BOLL: variants seen among roughly 807,000 people sequenced by gnomAD.
The protein encoded by BOLL is boule RNA binding protein.
BOLL carries 23 observed loss-of-function variants against 44.4 expected under a neutral mutation model. That is an observed-to-expected ratio of 0.52 (90% CI 0.37 to 0.73). BOLL has a LOEUF of 0.73. BOLL is among the 30% of genes least tolerant of loss of function. The pLI is 0.00. For missense variants in BOLL, 287 were observed against 338.3 expected (o/e 0.85, Z 1.19); for synonymous variants, 97 against 110.8 (o/e 0.88, Z 0.78).
At chr2:197,743,241 C>T in intron 9 of BOLL, 82 bp from the exon 10 acceptor site, 1 of 950,550 alleles carries the variant, frequency 1.1e-6, no homozygotes, top group Non-Finnish European at 1.5e-6. Flanking sequence ...ATATACTAAT[C>T]ATCTAGCTAT....
chr2:197,747,711 TA>T (rs1315247099), intron 9 of BOLL, among the ~76,000 whole-genome samples: 2 of 151,816 alleles, frequency 1.3e-5, no homozygotes, highest in Non-Finnish European at 2.9e-5. Context: ...ATTATAATAT[TA>T]AAAAAGTAAT....
intron 9 of BOLL, among the ~76,000 whole-genome samples, chr2:197,748,399 T>C (rs1166529567): frequency 6.6e-6 from 1 of 152,110 alleles, no homozygotes; most frequent in African/African-American, 2.4e-5. Flanking sequence ...TTCACTCTCC[T>C]GGAAAGGGAG....
rs1687969671 is a variant in BOLL at position 197,745,939 on chromosome 2, T to C, written c.730-2780A>G. ...ATCCTATTCATAATTAGGATAATAA[T>C]TAATAATAATTAAGAATCCTGACTT... On this transcript the variant is annotated intron_variant, in intron 9 of 10. Coordinates refer to ENST00000392296, the MANE Select transcript of BOLL (RefSeq NM_033030.6). Among the ~76,000 whole-genome samples, 3 of 152,146 alleles carry C rather than the reference T, an allele frequency of 2.0e-5. No individual in the cohort carries two copies. The South Asian group carries it at 6.2e-4, about 32-fold the overall frequency.
chr2:197,777,193 T>A, intron 3 of BOLL, 80 bp from the exon 4 acceptor site: 1 of 1,040,884 alleles, frequency 9.6e-7, no homozygotes, highest in Non-Finnish European at 1.3e-6. Flanking sequence ...TTTAAAAATT[T>A]TGTTTTTAAA....
intron 8 of BOLL, 35 bp from the exon 9 acceptor site, chr2:197,756,591 G>A: frequency 1.3e-6 from 2 of 1,545,182 alleles, no homozygotes; most frequent in Non-Finnish European, 8.8e-7. Context: ...ATTCAAATAT[G>A]ATTAGTTATT....
intron 10 of BOLL, among the ~76,000 whole-genome samples, chr2:197,741,166 G>A (rs1400181640): frequency 1.3e-5 from 2 of 152,068 alleles, no homozygotes; most frequent in South Asian, 4.1e-4. Context: ...TTGAGCAGTG[G>A]TTTGTAGTTC....
chr2:197,748,640 C>G (rs534287265), intron 9 of BOLL, among the ~76,000 whole-genome samples: 5 of 152,326 alleles, frequency 3.3e-5, no homozygotes, highest in African/African-American at 1.2e-4. Flanking sequence ...TGGGCAGAAC[C>G]CACCTCAGTA....
At chr2:197,745,456 A>T (rs1687947765) in intron 9 of BOLL, among the ~76,000 whole-genome samples, 1 of 152,184 alleles carries the variant, frequency 6.6e-6, no homozygotes, top group Non-Finnish European at 1.5e-5. Flanking sequence ...TAAGATAATG[A>T]TGGGCAATAT....
intron 9 of BOLL, among the ~76,000 whole-genome samples, chr2:197,755,066 C>G (rs897337859): frequency 2.6e-5 from 4 of 152,066 alleles, no homozygotes; most frequent in African/African-American, 7.2e-5. Flanking sequence ...AAACAAAGAA[C>G]CTCGTTAAAA....
chr2:197,733,663 C>T (rs904385695), intron 10 of BOLL, among the ~76,000 whole-genome samples: 3 of 152,112 alleles, frequency 2.0e-5, no homozygotes, highest in Non-Finnish European at 4.4e-5. Flanking sequence ...TGCCACATAT[C>T]TACAACTATC....
At chr2:197,761,026 C>T (rs866426997) in intron 7 of BOLL, among the ~76,000 whole-genome samples, 71 of 152,042 alleles carry the variant, frequency 4.7e-4, no homozygotes, top group African/African-American at 1.7e-3. Context: ...AGGAGAAATA[C>T]GATCTTTCAC....
At chr2:197,757,214 GA>G in intron 8 of BOLL, 138 bp downstream of exon 8, 2 of 656,996 alleles carry the variant, frequency 3.0e-6, no homozygotes, top group Non-Finnish European at 5.0e-6. Flanking sequence ...TGAAGAAACT[GA>G]AAATGAACTG....
intron 2 of BOLL, among the ~76,000 whole-genome samples, chr2:197,780,960 T>C (rs1689749706): frequency 1.3e-5 from 2 of 152,092 alleles, no homozygotes; most frequent in African/African-American, 4.8e-5. Flanking sequence ...GCACTGCACA[T>C]CATGTCATGA....
chr2:197,753,739 G>C (rs914732856), intron 9 of BOLL, among the ~76,000 whole-genome samples: 10 of 152,130 alleles, frequency 6.6e-5, no homozygotes, highest in Non-Finnish European at 1.5e-5. Context: ...GATTCCTCAA[G>C]GATCTAGAAC....
rs112647648 is a variant in BOLL, at chr2:197,756,791, G to C, written c.601-235C>G. On this transcript the variant is annotated intron_variant, in intron 8 of 10. Transcript: ENST00000392296. ...TAAGCACTAGAACTTCTTAATGACTGAGAACCTCATATATAAATTCAGATA... is the reference window on the plus strand; with the variant it reads ...TAAGCACTAGAACTTCTTAATGACTCAGAACCTCATATATAAATTCAGATA... Among the ~76,000 whole-genome samples the C allele has an allele frequency of 7.1e-3, 1,081 of 152,156 alleles. 22 individuals carry two copies. Among genetic ancestry groups the C allele is most frequent in the African/African-American group, 0.024 (1,013 of 41,524 alleles).
At chr2:197,742,869 T>G (rs1174461568) in intron 10 of BOLL, among the ~76,000 whole-genome samples, 192 bp downstream of exon 10, 1 of 152,096 alleles carries the variant, frequency 6.6e-6, no homozygotes, top group East Asian at 1.9e-4. Context: ...GTTGCATATA[T>G]TACCACAATA....
In BOLL at chr2:197,727,160, T is replaced by G. The variant is rs938845381; in HGVS notation, c.*1395A>C. Reference sequence around the variant, plus strand: ...CTAGTATACATTCATAAGGTTCTACTGTTCTCATGAAGCCATTTGACTGGC... The same window carrying G: ...CTAGTATACATTCATAAGGTTCTACGGTTCTCATGAAGCCATTTGACTGGC... On this transcript the variant is annotated 3_prime_UTR_variant, in exon 11 of 11. Transcript: ENST00000392296. 1 of 152,364 alleles carries G rather than the reference T, an allele frequency of 6.6e-6. No homozygotes were observed. Among genetic ancestry groups the G allele is most frequent in the Non-Finnish European group, 1.5e-5 (1 of 68,040 alleles). 9.4% of individuals were successfully genotyped at this position (152,364 alleles called of 1,614,324 possible). A position where few individuals can be genotyped will look rare whatever the true frequency, so the allele number is the denominator to read the frequency against.
intron 10 of BOLL, 84 bp from the exon 11 acceptor site, chr2:197,728,662 A>G (rs1686963591): frequency 2.3e-6 from 2 of 865,398 alleles, no homozygotes; most frequent in Admixed American, 2.4e-5. Flanking sequence ...CAGACCATCA[A>G]TCAACATTCA....
chr2:197,751,557 A>C (rs905856541), intron 9 of BOLL, among the ~76,000 whole-genome samples: 1 of 152,160 alleles, frequency 6.6e-6, no homozygotes, highest in Non-Finnish European at 1.5e-5. Context: ...GAAATGGATA[A>C]ATTTCTGGAC....
Sources: allele counts gnomAD v4.1 joint callset (sites outside exome capture counted in the v4.1 genomes callset), GRCh38; gene constraint gnomAD v4.1.1; transcripts MANE v1.5; gene names NCBI Gene and HGNC (gene_info 2026-07-23, HGNC 2026-07-21).